The following PRKAR2A variants were observed in gnomAD, a reference collection of about 807,000 sequenced individuals.
PRKAR2A encodes protein kinase cAMP-dependent type II regulatory subunit alpha, also known as cAMP-dependent protein kinase type II-alpha regulatory subunit.
A neutral mutation model predicts 51.9 loss-of-function variants in PRKAR2A; 29 were observed. That is an observed-to-expected ratio of 0.56 (90% CI 0.42 to 0.76). PRKAR2A has a LOEUF of 0.76. PRKAR2A is among the 30% of genes least tolerant of loss of function. PRKAR2A has a pLI of 0.00. For missense variants in PRKAR2A, 445 were observed against 512.1 expected, an observed-to-expected ratio of 0.87 and a Z score of 1.26; for synonymous variants, 178 against 186.2, an observed-to-expected ratio of 0.96 and a Z score of 0.36.
chr3:48,786,322 A>C (rs1054710797), intron 4 of PRKAR2A, among the ~76,000 whole-genome samples: 2 of 149,676 alleles, frequency 1.3e-5, no homozygotes, highest in Non-Finnish European at 3.0e-5. Flanking sequence ...AGGAGGTTTC[A>C]CCATGTTGCC....
chr3:48,770,180 C>T (rs906776173), intron 6 of PRKAR2A, among the ~76,000 whole-genome samples: 26 of 152,142 alleles, frequency 1.7e-4, no homozygotes, highest in Admixed American at 2.0e-4. Flanking sequence ...AAGCACCAGA[C>T]ATCAACATAG....
intron 1 of PRKAR2A, among the ~76,000 whole-genome samples, chr3:48,841,543 C>CA (rs397874491): frequency 0.018 from 1,048 of 59,082 alleles, 6 homozygotes; most frequent in African/African-American, 0.028. Context: ...GACTCTGTCT[C>CA]AAAAAAAAAA....
chr3:48,759,390 T>C (rs920783236), intron 8 of PRKAR2A, among the ~76,000 whole-genome samples: 1 of 151,824 alleles, frequency 6.6e-6, no homozygotes, highest in Non-Finnish European at 1.5e-5. Context: ...GCCCCTTTTT[T>C]TTTTTTTTTT....
At position 48,768,116 on chromosome 3, in the gene PRKAR2A, G is replaced by A. The variant is rs544508287; in HGVS notation, c.697-2767C>T. ...TTGAGAACAGCCTGGGCAACATGGC[G>A]AAACCCATCTGTACAAAAAATACAA... is the stretch of plus-strand genomic sequence containing the variant. On this transcript the variant is annotated intron_variant, in intron 6 of 10. Coordinates refer to ENST00000265563, the MANE Select transcript of PRKAR2A (RefSeq NM_004157.4). Among the ~76,000 whole-genome samples, 18 of 151,720 alleles carry A rather than the reference G, an allele frequency of 1.2e-4. No homozygotes were observed. In the South Asian group the frequency reaches 2.7e-3, roughly 23 times the overall value.
intron 1 of PRKAR2A, among the ~76,000 whole-genome samples, chr3:48,828,772 T>C (rs1254841866): frequency 6.6e-6 from 1 of 151,508 alleles, no homozygotes; most frequent in Non-Finnish European, 1.5e-5. Flanking sequence ...CTTTAAGCCT[T>C]TTTTTTATTT....
rs766405188 is a variant in PRKAR2A at position 48,790,667 on chromosome 3, A to G, written c.352-40T>C. 4.0e-6 allele frequency: 5 copies of G among 1,263,844 alleles called. No individual in the cohort carries two copies. In the African/African-American group the frequency reaches 6.2e-5, roughly 16 times the overall value. The allele number at this position is 1,263,844 out of a possible 1,614,324, so 78.3% of individuals were successfully genotyped here. ...AAAACCATGGAAACTGTTTTATTCC[A>G]TTTTAAAATAACCACTTAAAGATTG... On this transcript the variant is annotated intron_variant, in intron 3 of 10. Transcript: ENST00000265563.
intron 1 of PRKAR2A, among the ~76,000 whole-genome samples, chr3:48,808,823 T>G (rs1168100465): frequency 1.1e-5 from 1 of 89,928 alleles, no homozygotes; most frequent in African/African-American, 4.8e-5. Context: ...GGCCTGTATT[T>G]TTTTAGAGAT....
At position 48,748,530 on chromosome 3, in the gene PRKAR2A, G is replaced by C. The variant is rs2081596732; in HGVS notation, c.*3055C>G. ...GAGGACTCTGTGAAGGCAAAGACTA[G>C]ACTGGGATGTGTGCGAGAGTGGGAT... On this transcript the variant is annotated 3_prime_UTR_variant, in exon 11 of 11. Coordinates refer to ENST00000265563, the MANE Select transcript of PRKAR2A (RefSeq NM_004157.4). 6.6e-6 allele frequency: 1 copy of C among 152,310 alleles called. No homozygotes were observed. Among genetic ancestry groups the C allele is most frequent in the Non-Finnish European group, 1.5e-5 (1 of 68,176 alleles). The allele number at this position is 152,310 out of a possible 1,614,324, so 9.4% of individuals were successfully genotyped here. A position where few individuals can be genotyped will look rare whatever the true frequency, so the allele number is the denominator to read the frequency against.
chr3:48,832,296 C>CA (rs75592481), intron 1 of PRKAR2A, among the ~76,000 whole-genome samples: 16,424 of 72,190 alleles, frequency 0.23, 1,097 homozygotes, highest in Middle Eastern at 0.3. Flanking sequence ...AACTTCATCT[C>CA]AAAAAAAAAA....
At chr3:48,791,759 C>T (rs1490523692) in intron 3 of PRKAR2A, among the ~76,000 whole-genome samples, 1 of 148,674 alleles carries the variant, frequency 6.7e-6, no homozygotes, top group Non-Finnish European at 1.5e-5. Context: ...CAAAATTACC[C>T]GGGCATGGTG....
chr3:48,832,395 C>T (rs1391370675), intron 1 of PRKAR2A, among the ~76,000 whole-genome samples: 1 of 151,766 alleles, frequency 6.6e-6, no homozygotes, highest in African/African-American at 2.4e-5. Context: ...ATTTTCAGAT[C>T]TAAAATTCAT....
chr3:48,805,148 A>T (rs1167123359), intron 2 of PRKAR2A, among the ~76,000 whole-genome samples: 1 of 152,090 alleles, frequency 6.6e-6, no homozygotes, highest in Admixed American at 6.6e-5. Context: ...CCTAGGCTCA[A>T]GCAATTCTCG....
chr3:48,847,808 C>T lies in PRKAR2A; in HGVS notation c.-212G>A. On this transcript the variant is annotated 5_prime_UTR_variant, in exon 1 of 11. Coordinates refer to ENST00000265563, the MANE Select transcript of PRKAR2A (RefSeq NM_004157.4). This position sits in a 1 kb window ranked among gnomAD's most constrained non-coding sequence, Gnocchi z 4.4. ...TGGCACCGCCGCCGCTGTCACTGGGCAGCCGCCGCCGCCGCGGGGACCGAC... is the reference window on the plus strand; with the variant it reads ...TGGCACCGCCGCCGCTGTCACTGGGTAGCCGCCGCCGCCGCGGGGACCGAC... The T allele has an allele frequency of 2.3e-6, 1 of 438,504 alleles. No homozygotes were observed. Among genetic ancestry groups the T allele is most frequent in the Non-Finnish European group, 3.7e-6 (1 of 267,460 alleles). 27.2% of individuals were successfully genotyped at this position (438,504 alleles called of 1,614,324 possible). A position where few individuals can be genotyped will look rare whatever the true frequency, so the allele number is the denominator to read the frequency against.
intron 3 of PRKAR2A, among the ~76,000 whole-genome samples, chr3:48,791,899 G>A (rs1311405795): frequency 3.9e-5 from 2 of 50,650 alleles, no homozygotes; most frequent in Admixed American, 4.0e-4. Context: ...GCGAAACTCT[G>A]TCTCAAAAAA....
At chr3:48,836,888 T>C (rs1029506322) in intron 1 of PRKAR2A, among the ~76,000 whole-genome samples, 20 of 152,114 alleles carry the variant, frequency 1.3e-4, no homozygotes, top group African/African-American at 4.6e-4. Context: ...TCCCAGCACT[T>C]TGGGAGATGA....
At chr3:48,783,709 T>G (rs929321923) in intron 4 of PRKAR2A, among the ~76,000 whole-genome samples, 1 of 152,086 alleles carries the variant, frequency 6.6e-6, no homozygotes, top group Non-Finnish European at 1.5e-5. Context: ...GCCTCCTGAG[T>G]AGCTGGGACT....
chr3:48,793,601 C>T (rs2082429298), intron 3 of PRKAR2A, among the ~76,000 whole-genome samples: 1 of 151,074 alleles, frequency 6.6e-6, no homozygotes, highest in South Asian at 2.1e-4. Context: ...AGCAGCAATT[C>T]TCCTGCCTCA....
At chr3:48,784,445 A>C (rs955892074) in intron 4 of PRKAR2A, among the ~76,000 whole-genome samples, 1 of 152,190 alleles carries the variant, frequency 6.6e-6, no homozygotes. Context: ...TGTTACCCAC[A>C]CTGACTGGAA....
At chr3:48,838,932 C>G (rs922552521) in intron 1 of PRKAR2A, among the ~76,000 whole-genome samples, 1 of 148,986 alleles carries the variant, frequency 6.7e-6, no homozygotes, top group African/African-American at 2.5e-5. Context: ...TGCAGTCAGC[C>G]GAGATCGCGC....
Sources: allele counts gnomAD v4.1 joint callset (sites outside exome capture counted in the v4.1 genomes callset), GRCh38; gene constraint gnomAD v4.1.1; non-coding constraint Gnocchi (gnomAD v3.1); transcripts MANE v1.5; gene names NCBI Gene and HGNC (gene_info 2026-07-23, HGNC 2026-07-21).